DIAPH3: variants seen among roughly 807,000 people sequenced by gnomAD.
DIAPH3 encodes the protein diaphanous related formin 3.
Under a neutral mutation model 144.3 loss-of-function variants are expected in DIAPH3, and 117 were observed. That is an observed-to-expected ratio of 0.81 (90% CI 0.70 to 0.95). The LOEUF (loss-of-function observed/expected upper bound fraction) is 0.95. DIAPH3 is among the 40% of genes least tolerant of loss of function. DIAPH3 has a pLI of 0.00. For synonymous variants in DIAPH3, 519 were observed against 488.9 expected (o/e 1.06, Z -0.81); for missense variants, 1,421 against 1,412.7 (o/e 1.01, Z -0.09).
chr13:59,684,443 G>A (rs1409755640), intron 27 of DIAPH3, among the ~76,000 whole-genome samples: 1 of 152,120 alleles, frequency 6.6e-6, no homozygotes, highest in Non-Finnish European at 1.5e-5. Flanking sequence ...AATTGCAAAG[G>A]TTTCTTCTTG....
At chr13:59,708,776 C>T (rs976562678) in intron 27 of DIAPH3, among the ~76,000 whole-genome samples, 1 of 152,066 alleles carries the variant, frequency 6.6e-6, no homozygotes, top group Non-Finnish European at 1.5e-5. Flanking sequence ...ACAGCTCTGA[C>T]CTGTCTCTGG....
At chr13:60,057,257 A>T (rs749796698) in intron 4 of DIAPH3, among the ~76,000 whole-genome samples, 1 of 151,894 alleles carries the variant, frequency 6.6e-6, no homozygotes, top group East Asian at 1.9e-4. Flanking sequence ...TGCCAACAAC[A>T]ACCAAGCTGA....
intron 2 of DIAPH3, among the ~76,000 whole-genome samples, chr13:60,131,992 C>T (rs1476362690): frequency 6.6e-6 from 1 of 152,148 alleles, no homozygotes; most frequent in Non-Finnish European, 1.5e-5. Flanking sequence ...AAGACATCTA[C>T]CTTGCAAGGT....
chr13:59,836,805 A>T (rs2042065978), intron 23 of DIAPH3, among the ~76,000 whole-genome samples: 1 of 152,018 alleles, frequency 6.6e-6, no homozygotes, highest in Non-Finnish European at 1.5e-5. Flanking sequence ...TACCTCGATG[A>T]ATAAGCATTT....
intron 17 of DIAPH3, among the ~76,000 whole-genome samples, chr13:59,943,013 T>C (rs1209847711): frequency 6.6e-6 from 1 of 152,198 alleles, no homozygotes. Flanking sequence ...TTGCATATTT[T>C]TCCATATATA....
intron 4 of DIAPH3, among the ~76,000 whole-genome samples, chr13:60,088,802 A>G (rs2057836144): frequency 6.6e-6 from 1 of 152,052 alleles, no homozygotes; most frequent in South Asian, 2.1e-4. Context: ...TTGTATTTTT[A>G]GGAGAGACAG....
At chr13:59,715,654 T>G (rs1402373018) in intron 27 of DIAPH3, among the ~76,000 whole-genome samples, 2 of 152,018 alleles carry the variant, frequency 1.3e-5, no homozygotes, top group Non-Finnish European at 2.9e-5. Flanking sequence ...GGAGAGGAAA[T>G]TTCCATAGTT....
intron 23 of DIAPH3, chr13:59,838,617 C>T (rs558886119): frequency 1.3e-5 from 2 of 152,194 alleles, no homozygotes; most frequent in South Asian, 4.1e-4. Flanking sequence ...TTTATGAAGT[C>T]TTGTATCTGC....
At position 59,911,925 on chromosome 13, in the gene DIAPH3, A is replaced by T. The variant is rs926985903; in HGVS notation, c.2266-89T>A. The T allele has an allele frequency of 4.8e-6, 5 of 1,041,694 alleles. No homozygotes were observed. In the East Asian group the frequency reaches 1.0e-4, roughly 22 times the overall value. 64.5% of individuals were successfully genotyped at this position (1,041,694 alleles called of 1,614,324 possible). A position where few individuals can be genotyped will look rare whatever the true frequency, so the allele number is the denominator to read the frequency against. ...ATTTAAAAACTACTGAAAGAAAACC[A>T]GTGAAGTTAATCTTCAGTTTTATTT... On this transcript the variant is annotated intron_variant, in intron 19 of 27. Transcript: ENST00000400324.
chr13:59,868,870 G>T (rs1192714587), intron 21 of DIAPH3, among the ~76,000 whole-genome samples: 1 of 152,052 alleles, frequency 6.6e-6, no homozygotes, highest in Non-Finnish European at 1.5e-5. Flanking sequence ...CGAATTTAAT[G>T]TTCTTCCATG....
intron 17 of DIAPH3, among the ~76,000 whole-genome samples, chr13:59,944,947 G>T (rs140143076): frequency 3.3e-5 from 5 of 152,090 alleles, no homozygotes; most frequent in Middle Eastern, 3.4e-3. Flanking sequence ...CCCTCTTGCG[G>T]GCCAGCAACA....
chr13:60,114,170 C>T (rs893501199), intron 2 of DIAPH3, among the ~76,000 whole-genome samples: 3 of 145,464 alleles, frequency 2.1e-5, no homozygotes, highest in African/African-American at 7.7e-5. Flanking sequence ...GAGAACTCTA[C>T]ATTAACCCTA....
intron 19 of DIAPH3, among the ~76,000 whole-genome samples, chr13:59,914,217 T>A (rs1177737552): frequency 6.6e-6 from 1 of 152,000 alleles, no homozygotes; most frequent in Non-Finnish European, 1.5e-5. Context: ...AGAACCAAAA[T>A]CATGATTATT....
intron 27 of DIAPH3, among the ~76,000 whole-genome samples, chr13:59,735,563 GGGA>G (rs1201155636): frequency 5.3e-5 from 8 of 152,112 alleles, no homozygotes; most frequent in African/African-American, 1.7e-4. Context: ...TTATATGAGA[GGGA>G]GAAGAGAAGG....
intron 17 of DIAPH3, among the ~76,000 whole-genome samples, chr13:59,959,019 G>C (rs572699933): frequency 1.3e-5 from 2 of 151,972 alleles, no homozygotes; most frequent in Non-Finnish European, 2.9e-5. Context: ...GGGATTACAG[G>C]CATCCGCCAT....
chr13:59,894,124 A>AT (rs974227093), intron 20 of DIAPH3, among the ~76,000 whole-genome samples: 3 of 151,710 alleles, frequency 2.0e-5, no homozygotes, highest in East Asian at 1.9e-4. Context: ...ACTGTGATAC[A>AT]TTTTTTTTCA....
At chr13:59,704,044 G>A (rs1373908798) in intron 27 of DIAPH3, among the ~76,000 whole-genome samples, 1 of 152,150 alleles carries the variant, frequency 6.6e-6, no homozygotes, top group Non-Finnish European at 1.5e-5. Context: ...GGCCTCCAGG[G>A]TTTTCGACTG....
chr13:59,750,840 T>C (rs2036970179), intron 27 of DIAPH3, among the ~76,000 whole-genome samples: 1 of 152,222 alleles, frequency 6.6e-6, no homozygotes, highest in African/African-American at 2.4e-5. Flanking sequence ...AGCACCTACC[T>C]CTGAGGGACT....
intron 27 of DIAPH3, among the ~76,000 whole-genome samples, chr13:59,757,501 C>G (rs111645415): frequency 0.014 from 2,110 of 149,074 alleles, 70 homozygotes; most frequent in African/African-American, 0.049. Flanking sequence ...CCCAGGTTCA[C>G]GCCATTCTCC....
Sources: gnomAD v4.1 joint callset for allele counts (sites outside exome capture counted in the v4.1 genomes callset) on GRCh38, gnomAD v4.1.1 for gene constraint, MANE v1.5 for transcripts, NCBI Gene and HGNC (gene_info 2026-07-23, HGNC 2026-07-21) for gene names.